RYR2: variants seen among roughly 807,000 people sequenced by gnomAD.
The protein encoded by RYR2 is ryanodine receptor 2.
Under a neutral mutation model 601.1 loss-of-function variants are expected in RYR2, and 227 were observed. That is an observed-to-expected ratio of 0.38 (90% CI 0.34 to 0.42). The LOEUF is 0.42. Among genes scored for constraint, RYR2 ranks in the 10% least tolerant of loss-of-function variants. The pLI, the probability that RYR2 is intolerant of heterozygous loss-of-function variation, is 1.00. For synonymous variants in RYR2, 2,223 were observed against 2,175.1 expected (o/e 1.02, Z -0.61); for missense variants, 4,646 against 6,156.5 (o/e 0.75, Z 8.21).
At chr1:237,414,908 C>G (rs17631862) in intron 10 of RYR2, among the ~76,000 whole-genome samples, 6 of 152,004 alleles carry the variant, frequency 3.9e-5, no homozygotes, top group Non-Finnish European at 8.8e-5. Context: ...TCTACCTCAC[C>G]GAAGACTTGA....
At chr1:237,205,841 G>C (rs1681751730) in intron 1 of RYR2, among the ~76,000 whole-genome samples, 1 of 152,200 alleles carries the variant, frequency 6.6e-6, no homozygotes, top group Non-Finnish European at 1.5e-5. Flanking sequence ...GCCTCAGCAG[G>C]AGTGCATGGA....
chr1:237,470,692 T>C (rs189280335), intron 17 of RYR2, among the ~76,000 whole-genome samples: 31 of 152,316 alleles, frequency 2.0e-4, no homozygotes, highest in Middle Eastern at 6.8e-3. Flanking sequence ...TAAGTGGTAC[T>C]GAAGCAAAGT....
At chr1:237,238,307 C>A (rs942255756) in intron 1 of RYR2, among the ~76,000 whole-genome samples, 1 of 152,102 alleles carries the variant, frequency 6.6e-6, no homozygotes, top group Non-Finnish European at 1.5e-5. Context: ...TTGAGTCCAC[C>A]TATGACCTGG....
Position 237,639,725 on chromosome 1 carries a change from G to A in RYR2, c.7115+524G>A, listed in dbSNP as rs75890106. On this transcript the variant is annotated intron_variant, in intron 46 of 104. Transcript: ENST00000366574. Reference sequence around the variant, plus strand: ...ATCTTACATTTATCTGTAGGTATACGTTGTTAATACTAGAGTCCAGTCATC... The same window carrying A: ...ATCTTACATTTATCTGTAGGTATACATTGTTAATACTAGAGTCCAGTCATC... 3.8e-3 allele frequency among the ~76,000 whole-genome samples: 576 copies of A among 152,248 alleles called. 5 individuals are homozygous for A. The highest frequency in any genetic ancestry group is 0.013 in the African/African-American group (557 of 41,534).
Position 237,813,811 on chromosome 1 carries a change from G to C in RYR2, c.14433+4776G>C, listed in dbSNP as rs1558471329. On this transcript the variant is annotated intron_variant, in intron 100 of 104. Transcript: ENST00000366574. ...AGTAAGACTATTTATGACCAGCTCTGTTGTAGGTTTTTATATCTCTACACA... is the reference window on the plus strand; with the variant it reads ...AGTAAGACTATTTATGACCAGCTCTCTTGTAGGTTTTTATATCTCTACACA... Among the ~76,000 whole-genome samples the C allele has an allele frequency of 1.3e-5, 2 of 152,116 alleles. 1 individual carries two copies. The highest frequency in any genetic ancestry group is 1.3e-4 in the Admixed American group (2 of 15,274).
chr1:237,356,071 G>A (rs1699270147), intron 4 of RYR2, 86 bp downstream of exon 4: 4 of 1,235,502 alleles, frequency 3.2e-6, no homozygotes, highest in Non-Finnish European at 4.7e-6. Context: ...TTGCTTCCTA[G>A]TGTGGCTTGT....
intron 24 of RYR2, among the ~76,000 whole-genome samples, chr1:237,528,708 A>C (rs573948730): frequency 1.2e-3 from 189 of 152,180 alleles, no homozygotes; most frequent in Non-Finnish European, 2.5e-3. Context: ...TACATTTTCT[A>C]TGGCTCAGGC....
chr1:237,481,749 A>G (rs1004592514), intron 17 of RYR2, among the ~76,000 whole-genome samples: 2 of 149,390 alleles, frequency 1.3e-5, no homozygotes, highest in Admixed American at 1.4e-4. Context: ...CCAGATACAA[A>G]TTACTGCTTT....
chr1:237,745,424 A>G (rs1330994483), intron 80 of RYR2, among the ~76,000 whole-genome samples: 1 of 152,178 alleles, frequency 6.6e-6, no homozygotes, highest in Non-Finnish European at 1.5e-5. Flanking sequence ...CTGATTTCCT[A>G]AGTAGCATAA....
chr1:237,227,824 T>G (rs1047548559), intron 1 of RYR2, among the ~76,000 whole-genome samples: 2 of 152,220 alleles, frequency 1.3e-5, no homozygotes, highest in African/African-American at 4.8e-5. Context: ...TTATCTTACT[T>G]TTTTATTAAT....
chr1:237,371,248 G>A (rs895292644), intron 6 of RYR2, among the ~76,000 whole-genome samples: 4 of 151,964 alleles, frequency 2.6e-5, no homozygotes, highest in Admixed American at 1.3e-4. Flanking sequence ...CTTGAACTCC[G>A]GGACTCAAGT....
chr1:237,381,946 AAAG>A (rs1701555519), intron 8 of RYR2, among the ~76,000 whole-genome samples: 1 of 152,228 alleles, frequency 6.6e-6, no homozygotes, highest in Non-Finnish European at 1.5e-5. Flanking sequence ...ATTTTCTTTT[AAAG>A]AAGGCCTTAG....
chr1:237,812,009 T>C (rs1267064708), intron 100 of RYR2, among the ~76,000 whole-genome samples: 1 of 152,182 alleles, frequency 6.6e-6, no homozygotes, highest in East Asian at 1.9e-4. Context: ...CAAGTGCTTA[T>C]ATAGCACTTG....
At chr1:237,202,987 G>A (rs191507529) in intron 1 of RYR2, among the ~76,000 whole-genome samples, 37 of 152,314 alleles carry the variant, frequency 2.4e-4, no homozygotes, top group Admixed American at 2.3e-3. Context: ...TAACCTGTTT[G>A]CCATTCTTGG....
chr1:237,254,362 G>T (rs1052230422), intron 1 of RYR2, among the ~76,000 whole-genome samples: 5 of 152,162 alleles, frequency 3.3e-5, no homozygotes, highest in Admixed American at 1.3e-4. Context: ...AGAGATTTAG[G>T]TCTTGAAAAT....
chr1:237,656,740 G>C (rs1683283336), intron 53 of RYR2, among the ~76,000 whole-genome samples: 1 of 152,124 alleles, frequency 6.6e-6, no homozygotes. Context: ...CAACTTTGAG[G>C]CTTCTGAGTG....
At chr1:237,761,144 G>T (rs746239330) in intron 84 of RYR2, 116 bp downstream of exon 84, 1 of 693,152 alleles carries the variant, frequency 1.4e-6, no homozygotes, top group East Asian at 2.8e-5. Flanking sequence ...TTGATGAAAT[G>T]CTTACATGAC....
Position 237,830,529 on chromosome 1 carries a change from G to T in RYR2, c.14656-1G>T, listed in dbSNP as rs868323381. Reference sequence around the variant, plus strand: ...CGTTAATATTTCCCTTTGTTTTCTAGACCAAATGCTTCATCTGTGGGATAG... The same window carrying T: ...CGTTAATATTTCCCTTTGTTTTCTATACCAAATGCTTCATCTGTGGGATAG... On this transcript the variant is annotated splice_acceptor_variant, in intron 102 of 104. Coordinates refer to ENST00000366574, the MANE Select transcript of RYR2 (RefSeq NM_001035.3). LOFTEE classifies it high-confidence loss of function. The T allele has an allele frequency of 1.3e-6, 2 of 1,585,684 alleles. No individual in the cohort carries two copies. The highest frequency in any genetic ancestry group is 2.2e-5 in the South Asian group (2 of 90,512).
Position 237,723,165 on chromosome 1 carries a change from A to C in RYR2, c.10592A>C (p.Tyr3531Ser). The change falls in exon 74 of 105, where the codon TAC (tyrosine) becomes TCC (serine). Residue 3531 changes from tyrosine to serine, a missense_variant. Physicochemically the swap from Tyr to Ser is moderately radical, Grantham distance 144. Around this residue, in one of 17 missense-constraint regions of RYR2, gnomAD observed 1,497 missense variants for 1,842.6 expected, o/e 0.81. Transcript: ENST00000366574. ...GCTATTAGATGGCAAATGGCTCTTT[A>C]CAAAGACTTACCAAACAGGACTGAT... The part of the protein sequence containing the change: ...DPAIRWQMAL[Y>S]KDLPNRTDDT... 6.2e-7 allele frequency: 1 copy of C among 1,612,530 alleles called. No individual in the cohort carries two copies. The highest frequency in any genetic ancestry group is 8.5e-7 in the Non-Finnish European group (1 of 1,179,012).
Sources: gnomAD v4.1 joint callset for allele counts (sites outside exome capture counted in the v4.1 genomes callset) on GRCh38, gnomAD v4.1.1 for gene constraint, gnomAD v4.1.1 regional missense constraint, MANE v1.5 for transcripts, NCBI Gene and HGNC (gene_info 2026-07-23, HGNC 2026-07-21) for gene names.